The following ZCRB1 variants were observed in gnomAD, a reference collection of about 807,000 sequenced individuals.
ZCRB1 encodes zinc finger CCHC-type and RNA-binding motif-containing protein 1.
In ZCRB1, 21 loss-of-function variants were observed where a neutral mutation model predicts 29.9. The observed-to-expected ratio is 0.70, with a 90% CI of 0.50 to 1.01. ZCRB1 has a LOEUF of 1.01. Among genes scored for constraint, ZCRB1 ranks in the 50% least tolerant of loss-of-function variants. The pLI is 0.00. For missense variants in ZCRB1, 204 were observed against 253.3 expected (o/e 0.81, Z 1.32); for synonymous variants, 77 against 80.0 (o/e 0.96, Z 0.20).
chr12:42,315,578 C>A (rs11181417), intron 5 of ZCRB1, among the ~76,000 whole-genome samples: 1 of 151,822 alleles, frequency 6.6e-6, no homozygotes, highest in Admixed American at 6.6e-5. Flanking sequence ...AAAAACCAGG[C>A]TAGGTCAATA....
intron 3 of ZCRB1, among the ~76,000 whole-genome samples, chr12:42,318,192 T>C (rs574470352): frequency 5.9e-4 from 90 of 152,326 alleles, no homozygotes; most frequent in Non-Finnish European, 9.3e-4. Context: ...CCCTCTTCCA[T>C]GCTAACTCCC....
intron 5 of ZCRB1, among the ~76,000 whole-genome samples, chr12:42,315,039 C>T (rs1195627020): frequency 6.6e-6 from 1 of 152,222 alleles, no homozygotes; most frequent in Non-Finnish European, 1.5e-5. Context: ...CTTTTATATC[C>T]TGACTACACT....
Position 42,312,380 on chromosome 12 carries a change from C to G in ZCRB1, c.*687G>C, listed in dbSNP as rs890282980. The G allele has an allele frequency of 6.6e-6, 1 of 152,000 alleles. No homozygotes were observed. Among genetic ancestry groups the G allele is most frequent in the African/African-American group, 2.4e-5 (1 of 41,394 alleles). The allele number at this position is 152,000 out of a possible 1,614,324, so 9.4% of individuals were successfully genotyped here. A position where few individuals can be genotyped will look rare whatever the true frequency, so the allele number is the denominator to read the frequency against. Reference sequence around the variant, plus strand: ...GAAAAAACGTAATCATAGCATATTCCTTGGCTCAGAAATGAAAAGTATTTA... The same window carrying G: ...GAAAAAACGTAATCATAGCATATTCGTTGGCTCAGAAATGAAAAGTATTTA... On this transcript the variant is annotated 3_prime_UTR_variant, in exon 8 of 8. Coordinates refer to ENST00000266529, the MANE Select transcript of ZCRB1 (RefSeq NM_033114.4).
chr12:42,314,286 G>A (rs1335129516), intron 5 of ZCRB1, among the ~76,000 whole-genome samples: 6 of 151,312 alleles, frequency 4.0e-5, no homozygotes, highest in South Asian at 2.1e-4. Context: ...TTGGTCGGGC[G>A]CGGTGGCTCA....
intron 4 of ZCRB1, 120 bp downstream of exon 4, chr12:42,317,667 A>G (rs1005321148): frequency 2.3e-5 from 21 of 895,814 alleles, no homozygotes; most frequent in Non-Finnish European, 3.6e-5. Context: ...TATAAGTTAG[A>G]TATCTTAAGA....
intron 5 of ZCRB1, 72 bp downstream of exon 5, chr12:42,317,268 G>T: frequency 9.1e-7 from 1 of 1,101,320 alleles, no homozygotes; most frequent in Non-Finnish European, 1.3e-6. Context: ...GTTTTGGTGA[G>T]CAAAAATAAA....
Position 42,324,114 on chromosome 12 carries a change from A to G in ZCRB1, c.-2-10T>C. 6.2e-7 allele frequency: 1 copy of G among 1,611,854 alleles called. No homozygotes were observed. The highest frequency in any genetic ancestry group is 8.5e-7 in the Non-Finnish European group (1 of 1,177,954). On this transcript the variant is annotated splice_polypyrimidine_tract_variant and intron_variant, in intron 1 of 7. Transcript: ENST00000266529. The stretch of plus-strand genomic sequence containing the variant: ...AATCCACCACTCATTTCTAAAAGTG[A>G]AAACAAACTTATCAGCAATCAGTCT...
chr12:42,314,539 T>G (rs10880283), intron 5 of ZCRB1, among the ~76,000 whole-genome samples: 92,443 of 150,104 alleles, frequency 0.62, 28,604 homozygotes, highest in Admixed American at 0.68. Flanking sequence ...CTGAGATCAT[T>G]CCGTTGCACT....
chr12:42,324,675 TG>T (rs1457705502), intron 1 of ZCRB1, among the ~76,000 whole-genome samples: 1 of 152,248 alleles, frequency 6.6e-6, no homozygotes, highest in Non-Finnish European at 1.5e-5. Context: ...AATTCTTTTT[TG>T]GTTCTTCTTC....
Position 42,322,589 on chromosome 12 carries a change from G to C in ZCRB1, c.85-143C>G, listed in dbSNP as rs1319133541. On this transcript the variant is annotated intron_variant, in intron 2 of 7. Coordinates refer to ENST00000266529, the MANE Select transcript of ZCRB1 (RefSeq NM_033114.4). The stretch of plus-strand genomic sequence containing the variant: ...TCTATAAGACAGGCCCTAGGAAAAA[G>C]TTTTTTTTGGTTACTAGAATAATAT... 57 of 731,916 alleles carry C rather than the reference G, an allele frequency of 7.8e-5. 1 individual carries two copies. Among genetic ancestry groups the C allele is most frequent in the Non-Finnish European group, 1.1e-4 (56 of 503,086 alleles). The allele number at this position is 731,916 out of a possible 1,614,324, so 45.3% of individuals were successfully genotyped here. A position where few individuals can be genotyped will look rare whatever the true frequency, so the allele number is the denominator to read the frequency against.
chr12:42,317,240 TG>T, intron 5 of ZCRB1, 99 bp downstream of exon 5: 1 of 720,936 alleles, frequency 1.4e-6, no homozygotes, highest in Non-Finnish European at 2.2e-6. Flanking sequence ...TTTCATAATC[TG>T]GTTTAGCCAG....
At chr12:42,317,961 G>T in intron 3 of ZCRB1, 63 bp from the exon 4 acceptor site, 4 of 1,313,290 alleles carry the variant, frequency 3.0e-6, no homozygotes, top group Non-Finnish European at 4.2e-6. Flanking sequence ...ACTAATACTT[G>T]AAAAATTCAT....
intron 3 of ZCRB1, among the ~76,000 whole-genome samples, chr12:42,318,378 C>G (rs112014670): frequency 6.6e-6 from 1 of 152,082 alleles, no homozygotes; most frequent in Non-Finnish European, 1.5e-5. Context: ...ACCTGTAGTT[C>G]CAGCTACTTG....
At chr12:42,315,178 A>G (rs2068589100) in intron 5 of ZCRB1, among the ~76,000 whole-genome samples, 2 of 152,208 alleles carry the variant, frequency 1.3e-5, no homozygotes, top group African/African-American at 4.8e-5. Context: ...CGTGGCTTGC[A>G]TTATATTCTC....
At chr12:42,317,710 C>G (rs1210738817) in intron 4 of ZCRB1, 77 bp downstream of exon 4, 21 of 1,265,868 alleles carry the variant, frequency 1.7e-5, no homozygotes, top group Non-Finnish European at 2.4e-5. Flanking sequence ...TGATGATCCA[C>G]TATATCCCCA....
intron 1 of ZCRB1, among the ~76,000 whole-genome samples, chr12:42,325,127 C>G (rs372212918): frequency 1.3e-5 from 2 of 152,158 alleles, no homozygotes; most frequent in East Asian, 3.8e-4. Flanking sequence ...ACACAGAAAA[C>G]GTACACTAAA....
chr12:42,324,517 A>C (rs1461305066), intron 1 of ZCRB1, among the ~76,000 whole-genome samples: 1 of 152,216 alleles, frequency 6.6e-6, no homozygotes, highest in African/African-American at 2.4e-5. Flanking sequence ...TTGGAAAAAA[A>C]CAAAAAACAA....
intron 5 of ZCRB1, among the ~76,000 whole-genome samples, chr12:42,315,107 T>C (rs1339501150): frequency 2.0e-5 from 3 of 152,240 alleles, no homozygotes; most frequent in Admixed American, 2.0e-4. Flanking sequence ...AGAACTTGTC[T>C]GAATTGATAC....
chr12:42,323,866 T>C, intron 2 of ZCRB1, 153 bp downstream of exon 2: 1 of 648,950 alleles, frequency 1.5e-6, no homozygotes. Flanking sequence ...GCCATGATAG[T>C]GCCACTGCAC....
Sources: allele counts gnomAD v4.1 joint callset (sites outside exome capture counted in the v4.1 genomes callset), GRCh38; gene constraint gnomAD v4.1.1; transcripts MANE v1.5; gene names NCBI Gene and HGNC (gene_info 2026-07-23, HGNC 2026-07-21).